RNF135: variants seen among roughly 807,000 people sequenced by gnomAD.
RNF135 encodes the protein ring finger protein 135.
In RNF135, 46 loss-of-function variants were observed where a neutral mutation model predicts 41.9. The observed-to-expected ratio is 1.10, with a 90% CI of 0.87 to 1.40. RNF135 has a LOEUF of 1.40. Among genes scored for constraint, RNF135 ranks in the 40% most tolerant of loss-of-function variants. RNF135 has a pLI of 0.00. For synonymous variants in RNF135, 238 were observed against 223.8 expected (o/e 1.06, Z -0.57); for missense variants, 539 against 549.8 (o/e 0.98, Z 0.20).
chr17:30,964,458 G>A, the RNF135 span, among the ~76,000 whole-genome samples: 2 of 150,920 alleles, frequency 1.3e-5, no homozygotes, highest in Admixed American at 6.6e-5. Flanking sequence ...GACATGTTAG[G>A]CCGAGCGTGG....
intron 1 of RNF135, among the ~76,000 whole-genome samples, chr17:30,974,893 G>T (rs1333134467): frequency 1.3e-5 from 2 of 151,934 alleles, no homozygotes; most frequent in African/African-American, 4.8e-5. Flanking sequence ...AGCTAGGCTG[G>T]TCTCAAACTC....
intron 3 of RNF135, among the ~76,000 whole-genome samples, chr17:30,989,187 G>A (rs775345040): frequency 2.0e-5 from 3 of 151,510 alleles, no homozygotes; most frequent in Admixed American, 1.3e-4. Flanking sequence ...CTGGACTACA[G>A]AGAGAGATCC....
chr17:30,979,134 G>C (rs139275247), intron 1 of RNF135: 22,552 of 166,182 alleles, frequency 0.14, 5,562 homozygotes, highest in African/African-American at 0.56. Context: ...ACACCTCCCA[G>C]ACGGGGTCGT....
chr17:30,970,629 A>C (rs1462109305), upstream of RNF135: 1 of 184,536 alleles, frequency 5.4e-6, no homozygotes, highest in African/African-American at 2.4e-5. Flanking sequence ...GAGCTGGATG[A>C]CACTTCGTGG....
the RNF135 span, among the ~76,000 whole-genome samples, chr17:30,962,693 A>G: frequency 6.9e-6 from 1 of 145,226 alleles, no homozygotes; most frequent in Non-Finnish European, 1.5e-5. Context: ...CTCAATCTCC[A>G]GAATTCGTGA....
chr17:30,971,482 CG>C, intron 1 of RNF135, 37 bp downstream of exon 1: 1 of 1,457,648 alleles, frequency 6.9e-7, no homozygotes, highest in Non-Finnish European at 9.0e-7. Context: ...CTGGCTCCCC[CG>C]GGCTGCCCGC....
rs772497150 is a variant in RNF135 at position 30,998,667 on chromosome 17, A to G, written c.775A>G (p.Ile259Val). ...TTCTTTTTTTTTTTCCAAAGGGGCCATCCATCCAACCTTTAACTTGAAGAG... is the reference window on the plus strand; with the variant it reads ...TTCTTTTTTTTTTTCCAAAGGGGCCGTCCATCCAACCTTTAACTTGAAGAG... ...RRASRFAQWA[I>V]HPTFNLKSLS... Residue 259 changes from isoleucine (I) to valine (V), a missense_variant, in exon 5 of 5, where the codon ATC (isoleucine) becomes GTC (valine). Transcript: ENST00000328381. 5.0e-6 allele frequency: 8 copies of G among 1,613,518 alleles called. No individual in the cohort carries two copies. The highest frequency in any genetic ancestry group is 3.3e-5 in the South Asian group (3 of 91,060).
chr17:30,964,956 T>C, the RNF135 span: 2 of 152,196 alleles, frequency 1.3e-5, no homozygotes, highest in African/African-American at 2.4e-5. Flanking sequence ...AATGCTGGGA[T>C]TACAAGCATG....
At chr17:30,997,398 C>T (rs1339036476) in intron 4 of RNF135, 67 bp downstream of exon 4, 14 of 1,320,302 alleles carry the variant, frequency 1.1e-5, no homozygotes, top group African/African-American at 1.4e-5. Flanking sequence ...GAATATCCTA[C>T]ATCCATCTCC....
chr17:30,985,756 A>G (rs1907532399), intron 2 of RNF135, among the ~76,000 whole-genome samples: 2 of 152,180 alleles, frequency 1.3e-5, no homozygotes, highest in South Asian at 4.1e-4. Context: ...AAATTACATC[A>G]GTTTGCTCAG....
chr17:30,975,700 C>A, intron 1 of RNF135: 1 of 1,420,970 alleles, frequency 7.0e-7, no homozygotes, highest in Non-Finnish European at 9.9e-7. Flanking sequence ...GAAATGCAGA[C>A]ACACTACCCA....
upstream of RNF135, among the ~76,000 whole-genome samples, chr17:30,968,221 G>A (rs1344710789): frequency 6.6e-6 from 1 of 150,644 alleles, no homozygotes; most frequent in South Asian, 2.1e-4. Flanking sequence ...CCGGGAGGTG[G>A]AGGTTGCAGT....
upstream of RNF135, chr17:30,970,986 G>A (rs1470983650): frequency 6.6e-7 from 1 of 1,509,978 alleles, no homozygotes; most frequent in East Asian, 2.5e-5. Flanking sequence ...AAAGGAGGAG[G>A]GCAAGGGGAA....
chr17:30,967,985 T>C (rs1200223995), upstream of RNF135, among the ~76,000 whole-genome samples: 1 of 152,032 alleles, frequency 6.6e-6, no homozygotes, highest in Non-Finnish European at 1.5e-5. Context: ...AAATGTCTGA[T>C]GTAGGCTGAG....
intron 1 of RNF135, among the ~76,000 whole-genome samples, chr17:30,979,881 G>C (rs1215057238): frequency 7.5e-6 from 1 of 133,144 alleles, no homozygotes; most frequent in Non-Finnish European, 1.6e-5. Context: ...CCTCCCTCCC[G>C]GGCGGGGCGG....
chr17:30,998,044 C>A (rs1281126399), intron 4 of RNF135, among the ~76,000 whole-genome samples: 2 of 152,168 alleles, frequency 1.3e-5, no homozygotes, highest in Non-Finnish European at 2.9e-5. Flanking sequence ...ATAAGACGGG[C>A]GTGAGCCACC....
intron 1 of RNF135, among the ~76,000 whole-genome samples, chr17:30,980,431 T>A (rs1598086831): frequency 8.2e-6 from 1 of 121,494 alleles, no homozygotes; most frequent in Non-Finnish European, 1.8e-5. Context: ...GGCTCCTCAC[T>A]TCCCAGTAGG....
At chr17:30,997,495 G>C (rs774425838) in intron 4 of RNF135, 164 bp downstream of exon 4, 1 of 697,936 alleles carries the variant, frequency 1.4e-6, no homozygotes, top group South Asian at 1.5e-5. Context: ...AGGCAAAGCA[G>C]GTTGAGACTC....
At chr17:30,959,629 C>G in the RNF135 span, 1 of 152,000 alleles carries the variant, frequency 6.6e-6, no homozygotes, top group Non-Finnish European at 1.5e-5. Context: ...TCATTTGAGC[C>G]CAGGAGTTCT....
Sources: gnomAD v4.1 joint callset for allele counts (sites outside exome capture counted in the v4.1 genomes callset) on GRCh38, gnomAD v4.1.1 for gene constraint, MANE v1.5 for transcripts, NCBI Gene and HGNC (gene_info 2026-07-23, HGNC 2026-07-21) for gene names.